CYP4F11: variants seen among roughly 807,000 people sequenced by gnomAD.
CYP4F11 encodes the protein cytochrome P450 family 4 subfamily F member 11.
CYP4F11 carries 79 observed loss-of-function variants against 62.2 expected under a neutral mutation model. The ratio of observed to expected loss-of-function variants is 1.27; its 90% confidence interval spans 1.06 to 1.53. CYP4F11 has a LOEUF of 1.53. Among genes scored for constraint, CYP4F11 ranks in the 40% most tolerant of loss-of-function variants. CYP4F11 has a pLI of 0.00. For missense variants in CYP4F11, 777 were observed against 680.5 expected (o/e 1.14, Z -1.58); for synonymous variants, 290 against 263.7 (o/e 1.10, Z -0.97).
intron 8 of CYP4F11, 92 bp from the exon 9 acceptor site, chr19:15,914,987 T>A (rs1373851383): frequency 7.9e-5 from 121 of 1,529,890 alleles, no homozygotes; most frequent in Non-Finnish European, 9.4e-5. Flanking sequence ...TTTCTCCCTA[T>A]CACAAAATAA....
At chr19:15,920,585 G>A (rs1255804737) in intron 8 of CYP4F11, among the ~76,000 whole-genome samples, 5 of 152,114 alleles carry the variant, frequency 3.3e-5, no homozygotes, top group Non-Finnish European at 1.5e-5. Context: ...GGATGTAAGG[G>A]CACTACCTTC....
chr19:15,927,438 G>A lies in CYP4F11; in HGVS notation c.389C>T (p.Pro130Leu). The stretch of plus-strand genomic sequence containing the variant: ...TCACCTCAATTACTCACCCAGCCAG[G>A]GCTTCAGGAAGCCATAGAAAATCAT... Reference protein sequence around the residue: ...KDMIFYGFLKPWLGDGLLLSG... With the variant: ...KDMIFYGFLKLWLGDGLLLSG... The change falls in exon 3 of 12, where the codon CCC becomes CTC. Residue 130 changes from proline (P) to leucine (L), a missense_variant. Pro to Leu is a moderately conservative substitution (Grantham distance 98, BLOSUM62 -3). Coordinates refer to ENST00000402119, the MANE Select transcript of CYP4F11 (RefSeq NM_021187.4). 2 of 1,614,110 alleles carry A rather than the reference G, an allele frequency of 1.2e-6. No homozygotes were observed. Among genetic ancestry groups the A allele is most frequent in the Non-Finnish European group, 1.7e-6 (2 of 1,180,026 alleles).
chr19:15,923,509 A>G (rs1454426995), intron 6 of CYP4F11, among the ~76,000 whole-genome samples: 2 of 152,196 alleles, frequency 1.3e-5, no homozygotes, highest in Non-Finnish European at 2.9e-5. Context: ...GGCTGCTGTG[A>G]TCCAGGGATT....
At chr19:15,932,202 GA>G in intron 1 of CYP4F11, among the ~76,000 whole-genome samples, 1 of 30,294 alleles carries the variant, frequency 3.3e-5, no homozygotes, top group Non-Finnish European at 6.4e-5. Context: ...ATGAGTGAGC[GA>G]GGAGAGGAAT....
Position 15,914,387 on chromosome 19 carries a change from C to A in CYP4F11, c.1315G>T (p.Val439Phe), listed in dbSNP as rs1263261934. 5.6e-6 allele frequency: 9 copies of A among 1,613,428 alleles called. No individual in the cohort carries two copies. The Admixed American group carries it at 8.3e-5, about 15-fold the overall frequency. Residue 439 changes from valine (V) to phenylalanine (F), a missense_variant and splice_region_variant, in exon 11 of 12, where the codon GTC becomes TTC. By Grantham distance (50) the Val-to-Phe change is conservative. Coordinates refer to ENST00000402119, the MANE Select transcript of CYP4F11 (RefSeq NM_021187.4). The stretch of plus-strand genomic sequence containing the variant: ...TGGTCGAAACGGAAGGGGTCGTAGA[C>A]CTGCAGGTGAGACCAAGAAGGCTTG... ...YNPTVWPDPEVYDPFRFDQEN... is the reference protein window; with the variant it reads ...YNPTVWPDPEFYDPFRFDQEN...
intron 8 of CYP4F11, among the ~76,000 whole-genome samples, chr19:15,917,228 G>C (rs986637167): frequency 1.5e-4 from 23 of 152,244 alleles, no homozygotes; most frequent in Middle Eastern, 3.4e-3. Context: ...CTATGAGGAT[G>C]CAAAAATATA....
At chr19:15,915,035 A>G (rs2089573011) in intron 8 of CYP4F11, 140 bp from the exon 9 acceptor site, 2 of 1,403,430 alleles carry the variant, frequency 1.4e-6, no homozygotes, top group African/African-American at 2.9e-5. Context: ...TTTAAAAAGC[A>G]GAAAAAAATT....
chr19:15,919,172 TTCTA>T (rs2089604041), intron 8 of CYP4F11, among the ~76,000 whole-genome samples: 1 of 148,204 alleles, frequency 6.7e-6, no homozygotes, highest in African/African-American at 2.5e-5. Context: ...AAATATATAT[TTCTA>T]TGTATATGAA....
chr19:15,914,559 C>A, intron 10 of CYP4F11, 43 bp downstream of exon 10: 1 of 1,610,644 alleles, frequency 6.2e-7, no homozygotes, highest in Non-Finnish European at 8.5e-7. Context: ...CTCTAGGAAC[C>A]TTGGAATGGA....
chr19:15,924,652 A>C (rs2089655088), intron 5 of CYP4F11, 109 bp downstream of exon 5: 1 of 1,333,786 alleles, frequency 7.5e-7, no homozygotes, highest in Non-Finnish European at 1.0e-6. Context: ...TATGACACAC[A>C]GAAAGTGCCT....
At position 15,914,900 on chromosome 19, in the gene CYP4F11, GA is replaced by G. The variant is rs753851013; in HGVS notation, c.1116-6del. 4.3e-6 allele frequency: 7 copies of G among 1,614,020 alleles called. No individual in the cohort carries two copies. The African/African-American group carries it at 9.3e-5, about 22-fold the overall frequency. ...GGCAGCTGGGCCAGGTCGTCCCTAA[GA>G]AAACACCCCAGCCCCAATCATTATC... On this transcript the variant is annotated splice_region_variant and splice_polypyrimidine_tract_variant and intron_variant, in intron 8 of 11. Coordinates refer to ENST00000402119, the MANE Select transcript of CYP4F11 (RefSeq NM_021187.4).
At position 15,923,944 on chromosome 19, in the gene CYP4F11, C is replaced by G. The variant is rs868544582; in HGVS notation, c.786G>C (p.Leu262=). The G allele has an allele frequency of 6.2e-7, 1 of 1,614,048 alleles. No individual in the cohort carries two copies. The highest frequency in any genetic ancestry group is 1.7e-5 in the Admixed American group (1 of 60,002). ...DGQRFRRACH[L]VHDFTDAVIQ... is the part of the protein sequence containing the mutation. ...TGACGGCATCTGTGAAGTCGTGCAC[C>G]AGGTGGCAGGCCCTGCGGAAGCGCT... The change falls in exon 6 of 12, where the codon CTG becomes CTC. Residue 262 remains leucine, a synonymous_variant. Transcript: ENST00000402119.
In CYP4F11 at chr19:15,920,983, T is replaced by C. The variant is rs561575457; in HGVS notation, c.1115+1054A>G. 1.6e-3 allele frequency among the ~76,000 whole-genome samples: 243 copies of C among 151,806 alleles called. 1 individual carries two copies. Among genetic ancestry groups the C allele is most frequent in the African/African-American group, 4.9e-3 (204 of 41,334 alleles). Reference sequence around the variant, plus strand: ...TCCCCCTGCACACAAGCCACTTCTCTCTTTCCCTCTTTTCTTTCTCTTCTC... The same window carrying C: ...TCCCCCTGCACACAAGCCACTTCTCCCTTTCCCTCTTTTCTTTCTCTTCTC... On this transcript the variant is annotated intron_variant, in intron 8 of 11. Transcript: ENST00000402119.
chr19:15,922,187 A>G, intron 7 of CYP4F11, 21 bp from the exon 8 acceptor site: 1 of 1,604,836 alleles, frequency 6.2e-7, no homozygotes, highest in Non-Finnish European at 8.5e-7. Flanking sequence ...GCCAAGCAAA[A>G]CTGGGTTTCT....
rs868200254 is a variant in CYP4F11 at position 15,912,717 on chromosome 19, G to A, written c.*1015C>T. The A allele has an allele frequency of 1.2e-5, 1 of 84,070 alleles. No individual in the cohort carries two copies. Among genetic ancestry groups the A allele is most frequent in the Non-Finnish European group, 2.3e-5 (1 of 44,044 alleles). 5.2% of individuals were successfully genotyped at this position (84,070 alleles called of 1,614,324 possible). A position where few individuals can be genotyped will look rare whatever the true frequency, so the allele number is the denominator to read the frequency against. On this transcript the variant is annotated 3_prime_UTR_variant, in exon 12 of 12. Coordinates refer to ENST00000402119, the MANE Select transcript of CYP4F11 (RefSeq NM_021187.4). The stretch of plus-strand genomic sequence containing the variant: ...TATATATGTGTGTGTGTGTGTGTGT[G>A]TGTGTGTGTGTGTGTGTATATGTAT...
Position 15,922,525 on chromosome 19 carries a change from C to T in CYP4F11, c.919-95G>A, listed in dbSNP as rs2089637109. The stretch of plus-strand genomic sequence containing the variant: ...AAGATAATTTCTGAAGATCCATCCT[C>T]CTTCCAGAAACCCAAGCCCATCATG... On this transcript the variant is annotated intron_variant, in intron 6 of 11. Transcript: ENST00000402119. 11 of 1,366,882 alleles carry T rather than the reference C, an allele frequency of 8.0e-6. No homozygotes were observed. In the East Asian group the frequency reaches 1.8e-4, roughly 23 times the overall value. The allele number at this position is 1,366,882 out of a possible 1,614,324, so 84.7% of individuals were successfully genotyped here. A position where few individuals can be genotyped will look rare whatever the true frequency, so the allele number is the denominator to read the frequency against.
In CYP4F11 at chr19:15,913,020, G is replaced by A. The variant is rs2089550142; in HGVS notation, c.*712C>T. 2 of 151,928 alleles carry A rather than the reference G, an allele frequency of 1.3e-5. No individual in the cohort carries two copies. The highest frequency in any genetic ancestry group is 1.3e-4 in the Admixed American group (2 of 15,240). The allele number at this position is 151,928 out of a possible 1,614,324, so 9.4% of individuals were successfully genotyped here. Reference sequence around the variant, plus strand: ...TTCATTGTGTGCCAGGCACAGCTCTGAGTCCCTTATATTGAGACCTCAGGA... The same window carrying A: ...TTCATTGTGTGCCAGGCACAGCTCTAAGTCCCTTATATTGAGACCTCAGGA... On this transcript the variant is annotated 3_prime_UTR_variant, in exon 12 of 12. Coordinates refer to ENST00000402119, the MANE Select transcript of CYP4F11 (RefSeq NM_021187.4).
intron 4 of CYP4F11, among the ~76,000 whole-genome samples, chr19:15,925,125 C>A (rs2089659093): frequency 6.6e-6 from 1 of 152,168 alleles, no homozygotes; most frequent in South Asian, 2.1e-4. Context: ...GGTCTGTGTG[C>A]TCTTGGTCAA....
intron 7 of CYP4F11, 42 bp downstream of exon 7, chr19:15,922,322 G>A (rs1473041602): frequency 6.2e-7 from 1 of 1,612,130 alleles, no homozygotes; most frequent in Non-Finnish European, 8.5e-7. Flanking sequence ...CTGGGATGGA[G>A]AGGCCCCTGT....
Sources: allele counts gnomAD v4.1 joint callset (sites outside exome capture counted in the v4.1 genomes callset), GRCh38; gene constraint gnomAD v4.1.1; transcripts MANE v1.5; gene names NCBI Gene and HGNC (gene_info 2026-07-23, HGNC 2026-07-21).